The following SCAPER variants were observed in gnomAD, a reference collection of about 807,000 sequenced individuals.
SCAPER encodes S-phase cyclin A associated protein in the ER.
Under a neutral mutation model 182.2 loss-of-function variants are expected in SCAPER, and 98 were observed. The observed-to-expected ratio is 0.54, with a 90% CI of 0.46 to 0.64. SCAPER has a LOEUF of 0.64. Among genes scored for constraint, SCAPER ranks in the 30% least tolerant of loss-of-function variants. The pLI is 0.00. For missense variants in SCAPER, 1,432 were observed against 1,690.0 expected, an observed-to-expected ratio of 0.85 and a Z score of 2.68; for synonymous variants, 605 against 564.6, an observed-to-expected ratio of 1.07 and a Z score of -1.01.
chr15:76,353,899 G>A (rs371336395), intron 30 of SCAPER, 50 bp downstream of exon 30: 18 of 1,408,180 alleles, frequency 1.3e-5, no homozygotes, highest in East Asian at 2.8e-5. Context: ...CATTTCTGTC[G>A]CATTAGTTTA....
chr15:76,568,898 T>C (rs146148132), intron 23 of SCAPER, among the ~76,000 whole-genome samples: 3 of 152,092 alleles, frequency 2.0e-5, no homozygotes, highest in Admixed American at 2.0e-4. Context: ...AATATATAAA[T>C]ATAATTGATT....
At chr15:76,804,703 T>A (rs1419485888) in intron 5 of SCAPER, 70 bp from the exon 6 acceptor site, 8 of 957,180 alleles carry the variant, frequency 8.4e-6, no homozygotes, top group Non-Finnish European at 1.2e-5. Flanking sequence ...AAAAAAAGAG[T>A]GAACAACTTA....
intron 29 of SCAPER, among the ~76,000 whole-genome samples, chr15:76,360,217 A>T (rs1347949507): frequency 6.6e-6 from 1 of 152,220 alleles, no homozygotes; most frequent in East Asian, 1.9e-4. Flanking sequence ...CTTCTAGGAC[A>T]ATGCTTTGCC....
At chr15:76,701,142 C>T (rs770768715) in intron 20 of SCAPER, among the ~76,000 whole-genome samples, 2 of 150,660 alleles carry the variant, frequency 1.3e-5, no homozygotes, top group Non-Finnish European at 2.9e-5. Flanking sequence ...CATAAAGGTA[C>T]CTGCCCTCAA....
chr15:76,705,500 T>C (rs1256845377), intron 18 of SCAPER, among the ~76,000 whole-genome samples: 1 of 151,132 alleles, frequency 6.6e-6, no homozygotes, highest in African/African-American at 2.4e-5. Context: ...TATATATATG[T>C]AACTAACCTG....
At chr15:76,591,706 A>G (rs1250637050) in intron 22 of SCAPER, among the ~76,000 whole-genome samples, 1 of 152,248 alleles carries the variant, frequency 6.6e-6, no homozygotes, top group Non-Finnish European at 1.5e-5. Context: ...TACACAAAAT[A>G]TTAACAGTAA....
At chr15:76,493,531 T>C (rs1434724971) in intron 24 of SCAPER, among the ~76,000 whole-genome samples, 4 of 152,188 alleles carry the variant, frequency 2.6e-5, no homozygotes, top group Admixed American at 2.0e-4. Flanking sequence ...GTTTCAAAGA[T>C]TACAATAATA....
chr15:76,687,844 T>G (rs191120213), intron 20 of SCAPER, among the ~76,000 whole-genome samples: 2 of 152,360 alleles, frequency 1.3e-5, no homozygotes, highest in South Asian at 4.1e-4. Context: ...CTATCACTGA[T>G]GAGCACTTGG....
chr15:76,681,723 G>T (rs1297708184), intron 20 of SCAPER, among the ~76,000 whole-genome samples: 2 of 152,134 alleles, frequency 1.3e-5, no homozygotes, highest in Non-Finnish European at 2.9e-5. Flanking sequence ...CAGATCCCTG[G>T]AATCCTAGCA....
intron 17 of SCAPER, among the ~76,000 whole-genome samples, chr15:76,713,892 A>G (rs1477449284): frequency 6.6e-6 from 1 of 152,178 alleles, no homozygotes; most frequent in Non-Finnish European, 1.5e-5. Context: ...TTATTTACTC[A>G]AGAGAAGCAA....
rs542741973 is a variant in SCAPER, at chr15:76,526,931, G to A, written c.2839-21957C>T. 7.2e-5 allele frequency among the ~76,000 whole-genome samples: 11 copies of A among 151,768 alleles called. No individual in the cohort carries two copies. The South Asian group carries it at 1.5e-3, about 20-fold the overall frequency. ...TTGTCGCCCAGGCTGGAGTGCAGTC[G>A]CGCGATCTTGGCTCACTGCAACCTC... is the stretch of plus-strand genomic sequence containing the variant. On this transcript the variant is annotated intron_variant, in intron 23 of 31. Coordinates refer to ENST00000563290, the MANE Select transcript of SCAPER (RefSeq NM_020843.4).
At chr15:76,792,089 G>A (rs1179326956) in intron 8 of SCAPER, among the ~76,000 whole-genome samples, 1 of 149,648 alleles carries the variant, frequency 6.7e-6, no homozygotes, top group Non-Finnish European at 1.5e-5. Flanking sequence ...AATACACAGT[G>A]TTAAGACTGT....
intron 1 of SCAPER, among the ~76,000 whole-genome samples, chr15:76,886,547 T>A (rs1275477762): frequency 6.6e-6 from 1 of 152,204 alleles, no homozygotes; most frequent in Non-Finnish European, 1.5e-5. Flanking sequence ...GGAACACTTA[T>A]ACACTGTTGG....
chr15:76,442,861 A>G (rs2047711665), intron 25 of SCAPER, among the ~76,000 whole-genome samples: 2 of 152,180 alleles, frequency 1.3e-5, no homozygotes, highest in Non-Finnish European at 2.9e-5. Context: ...GACCTCTTTT[A>G]AGTCTCAGAT....
At chr15:76,766,798 A>G in intron 11 of SCAPER, 120 bp downstream of exon 11, 1 of 784,116 alleles carries the variant, frequency 1.3e-6, no homozygotes, top group East Asian at 2.8e-5. Context: ...ATTACTGAAC[A>G]TGATTTTTAA....
intron 26 of SCAPER, among the ~76,000 whole-genome samples, chr15:76,432,477 C>A (rs2046933112): frequency 6.6e-6 from 1 of 152,316 alleles, no homozygotes; most frequent in African/African-American, 2.4e-5. Context: ...GCGAAAGAAG[C>A]AAATACAGAG....
chr15:76,589,669 T>C lies in SCAPER; in HGVS notation c.2712-15385A>G, dbSNP rs1223014083. Among the ~76,000 whole-genome samples the C allele has an allele frequency of 5.3e-5, 8 of 152,148 alleles. No individual in the cohort carries two copies. The East Asian group carries it at 5.8e-4, about 11-fold the overall frequency. ...CTCCTTGCCTGTTGAGTCTGCACACTGGATTCATGCTCTCCCTCAAGTTCT... is the reference window on the plus strand; with the variant it reads ...CTCCTTGCCTGTTGAGTCTGCACACCGGATTCATGCTCTCCCTCAAGTTCT... On this transcript the variant is annotated intron_variant, in intron 22 of 31. Coordinates refer to ENST00000563290, the MANE Select transcript of SCAPER (RefSeq NM_020843.4).
At chr15:76,538,212 C>T (rs1597272109) in intron 23 of SCAPER, among the ~76,000 whole-genome samples, 1 of 146,528 alleles carries the variant, frequency 6.8e-6, no homozygotes. Flanking sequence ...CATCCCATTA[C>T]TGGGTATATA....
intron 1 of SCAPER, among the ~76,000 whole-genome samples, chr15:76,894,883 T>A (rs79481884): frequency 0.067 from 10,191 of 152,184 alleles, 379 homozygotes; most frequent in Middle Eastern, 0.11. Context: ...AGAAGACTGA[T>A]TTTTTAATAA....
Sources: allele counts gnomAD v4.1 joint callset (sites outside exome capture counted in the v4.1 genomes callset), GRCh38; gene constraint gnomAD v4.1.1; transcripts MANE v1.5; gene names NCBI Gene and HGNC (gene_info 2026-07-23, HGNC 2026-07-21).